Variants in RIT2 observed in about 807,000 individuals in gnomAD.
RIT2 encodes Ras like without CAAX 2, also known as GTP-binding protein Rit2.
Under a neutral mutation model 23.7 loss-of-function variants are expected in RIT2, and 24 were observed. The ratio of observed to expected loss-of-function variants is 1.01; its 90% CI spans 0.73 to 1.43. The LOEUF (loss-of-function observed/expected upper bound fraction) is 1.43, where lower values mean the gene tolerates loss of function less well. RIT2 is among the 40% of genes most tolerant of loss of function. The pLI is 0.00. For synonymous variants in RIT2, 107 were observed against 91.1 expected, an observed-to-expected ratio of 1.17 and a Z score of -0.99; for missense variants, 236 against 266.9, an observed-to-expected ratio of 0.88 and a Z score of 0.81.
intron 4 of RIT2, among the ~76,000 whole-genome samples, chr18:42,807,806 T>C (rs1206711112): frequency 6.6e-6 from 1 of 151,880 alleles, no homozygotes; most frequent in Non-Finnish European, 1.5e-5. Flanking sequence ...TGTGTGTGTG[T>C]GTGTGTGTGT....
intron 3 of RIT2, among the ~76,000 whole-genome samples, chr18:42,924,976 T>C (rs1290463662): frequency 6.6e-6 from 1 of 152,048 alleles, no homozygotes. Context: ...ATGGAATAAA[T>C]GCAAACGGCT....
intron 1 of RIT2, among the ~76,000 whole-genome samples, chr18:43,101,911 T>C (rs1913693633): frequency 6.6e-6 from 1 of 152,128 alleles, no homozygotes; most frequent in Non-Finnish European, 1.5e-5. Flanking sequence ...AGTGGGTAGC[T>C]AGCTAAACAA....
intron 2 of RIT2, among the ~76,000 whole-genome samples, chr18:43,024,261 C>T (rs749712567): frequency 1.3e-5 from 2 of 152,000 alleles, no homozygotes; most frequent in Non-Finnish European, 2.9e-5. Context: ...CACACACCTA[C>T]AGCCAACTGA....
At chr18:42,944,763 G>A (rs1325974270) in intron 3 of RIT2, among the ~76,000 whole-genome samples, 8 of 151,908 alleles carry the variant, frequency 5.3e-5, no homozygotes, top group Non-Finnish European at 1.2e-4. Flanking sequence ...GCTACTTTGG[G>A]GCTCTGTCCT....
At position 42,857,686 on chromosome 18, in the gene RIT2, C is replaced by T. The variant is rs16977065; in HGVS notation, c.426+65886G>A. ...AAGTAAGAATTGTACAATGAAGTGG[C>T]TATGCCCTGGATGTTTTTGCATACA... On this transcript the variant is annotated intron_variant, in intron 4 of 4. Transcript: ENST00000326695. 0.023 allele frequency among the ~76,000 whole-genome samples: 3,563 copies of T among 152,262 alleles called. 287 individuals are homozygous for T. The East Asian group carries it at 0.24, about 10-fold the overall frequency.
intron 1 of RIT2, among the ~76,000 whole-genome samples, chr18:43,080,757 G>T (rs564028163): frequency 6.6e-6 from 1 of 152,098 alleles, no homozygotes; most frequent in Non-Finnish European, 1.5e-5. Context: ...AAATCCCAAG[G>T]CAGCCATTCA....
At chr18:42,964,041 A>G (rs1171582318) in intron 3 of RIT2, among the ~76,000 whole-genome samples, 1 of 151,908 alleles carries the variant, frequency 6.6e-6, no homozygotes, top group Non-Finnish European at 1.5e-5. Context: ...AATACAAAAA[A>G]TTAGCTGGGC....
intron 1 of RIT2, among the ~76,000 whole-genome samples, chr18:43,112,473 T>C (rs551285506): frequency 6.6e-5 from 10 of 152,352 alleles, no homozygotes; most frequent in African/African-American, 2.4e-4. Flanking sequence ...TATTGATTAC[T>C]TGTGGTTTAA....
Position 42,837,269 on chromosome 18 carries a change from G to A in RIT2, c.426+86303C>T, listed in dbSNP as rs566042297. Among the ~76,000 whole-genome samples the A allele has an allele frequency of 8.8e-4, 119 of 134,468 alleles. 6 individuals carry two copies. In the South Asian group the frequency reaches 0.028, roughly 31 times the overall value. 88.2% of individuals were successfully genotyped at this position (134,468 alleles called of 152,430 possible). A position where few individuals can be genotyped will look rare whatever the true frequency, so the allele number is the denominator to read the frequency against. ...TGCAAACTCCAGCTCCCGGGCTCAC[G>A]CCATTCTTCTGCCTCAGCATCCAGA... On this transcript the variant is annotated intron_variant, in intron 4 of 4. Transcript: ENST00000326695.
intron 4 of RIT2, among the ~76,000 whole-genome samples, chr18:42,756,256 C>G (rs1220951947): frequency 6.6e-6 from 1 of 152,192 alleles, no homozygotes; most frequent in Non-Finnish European, 1.5e-5. Flanking sequence ...TAGGATTTCT[C>G]TCTCTTGCTG....
chr18:42,807,735 C>A (rs1053972844), intron 4 of RIT2, among the ~76,000 whole-genome samples: 2 of 152,064 alleles, frequency 1.3e-5, no homozygotes, highest in Admixed American at 6.6e-5. Context: ...TTTACGAGAA[C>A]CCTTGTCCCT....
chr18:42,755,768 CA>C (rs943891177), intron 4 of RIT2, among the ~76,000 whole-genome samples: 4 of 152,102 alleles, frequency 2.6e-5, no homozygotes, highest in Admixed American at 6.6e-5. Context: ...CTACAATAAA[CA>C]GAGGAGTTGG....
intron 1 of RIT2, among the ~76,000 whole-genome samples, chr18:43,115,040 T>C (rs1407273924): frequency 6.6e-6 from 1 of 152,202 alleles, no homozygotes; most frequent in Non-Finnish European, 1.5e-5. Context: ...TTTAATTGAA[T>C]ATTCATAGCA....
At chr18:42,975,034 C>T (rs1407430546) in intron 2 of RIT2, among the ~76,000 whole-genome samples, 1 of 152,000 alleles carries the variant, frequency 6.6e-6, no homozygotes, top group African/African-American at 2.4e-5. Context: ...TGAGAAATTA[C>T]CACACCACTT....
At chr18:42,881,086 G>A (rs911863379) in intron 4 of RIT2, among the ~76,000 whole-genome samples, 13 of 152,112 alleles carry the variant, frequency 8.5e-5, no homozygotes, top group Admixed American at 4.6e-4. Flanking sequence ...GATTACAGGC[G>A]TGAGCCACTG....
At chr18:43,089,849 C>A (rs1399430592) in intron 1 of RIT2, among the ~76,000 whole-genome samples, 3 of 151,962 alleles carry the variant, frequency 2.0e-5, no homozygotes, top group Non-Finnish European at 4.4e-5. Flanking sequence ...ATGCAGAAGG[C>A]TAAAAATTGG....
chr18:42,970,249 G>T (rs1304849048), intron 3 of RIT2, among the ~76,000 whole-genome samples: 3 of 151,770 alleles, frequency 2.0e-5, no homozygotes, highest in Non-Finnish European at 2.9e-5. Context: ...CTCATTGTAA[G>T]AAAAACTCTT....
intron 4 of RIT2, among the ~76,000 whole-genome samples, chr18:42,784,880 C>T (rs941442134): frequency 6.6e-6 from 1 of 151,966 alleles, no homozygotes; most frequent in Non-Finnish European, 1.5e-5. Context: ...CTGTCATTTC[C>T]TTGCTATGTA....
intron 4 of RIT2, among the ~76,000 whole-genome samples, chr18:42,890,442 T>C (rs373041927): frequency 7.2e-5 from 11 of 151,750 alleles, no homozygotes; most frequent in African/African-American, 2.4e-4. Flanking sequence ...AACTTAATTT[T>C]TGAAATTCTT....
Sources: allele counts gnomAD v4.1 joint callset (sites outside exome capture counted in the v4.1 genomes callset), GRCh38; gene constraint gnomAD v4.1.1; transcripts MANE v1.5; gene names NCBI Gene and HGNC (gene_info 2026-07-23, HGNC 2026-07-21).